The following SNCG variants were observed in gnomAD, a reference collection of about 807,000 sequenced individuals.
SNCG encodes synuclein gamma.
SNCG carries 13 observed loss-of-function variants against 16.0 expected under a neutral mutation model. The ratio of observed to expected loss-of-function variants is 0.81; its 90% confidence interval spans 0.53 to 1.29. The LOEUF (loss-of-function observed/expected upper bound fraction) is 1.29, where lower values mean the gene tolerates loss of function less well. SNCG is among the 50% of genes most tolerant of loss of function. The pLI, the probability that SNCG is intolerant of heterozygous loss-of-function variation, is 0.00. For missense variants in SNCG, 154 were observed against 168.5 expected, an observed-to-expected ratio of 0.91 and a Z score of 0.48; for synonymous variants, 66 against 66.3, an observed-to-expected ratio of 1.00 and a Z score of 0.02.
upstream of SNCG, chr10:86,957,563 G>T: frequency 6.3e-7 from 1 of 1,592,486 alleles, no homozygotes; most frequent in Non-Finnish European, 8.5e-7. Context: ...GGCAGGCTCA[G>T]CTCACACTCA....
At chr10:86,962,539 T>C in intron 3 of SNCG, 65 bp from the exon 4 acceptor site, 1 of 1,223,056 alleles carries the variant, frequency 8.2e-7, no homozygotes, top group Non-Finnish European at 1.2e-6. Context: ...AAGGCCCTGG[T>C]TGCAGGGCAG....
intron 3 of SNCG, among the ~76,000 whole-genome samples, chr10:86,960,480 G>T (rs1447920817): frequency 1.3e-5 from 2 of 152,128 alleles, no homozygotes; most frequent in African/African-American, 4.8e-5. Flanking sequence ...AGCCTCCCGG[G>T]CAGTGGTCAC....
At position 86,959,656 on chromosome 10, in the gene SNCG, G is replaced by GT; in HGVS notation, c.146dup (p.Gln50ThrfsTer61). On this transcript the variant is annotated frameshift_variant, in exon 2 of 5. Transcript: ENST00000372017. LOFTEE classifies it high-confidence loss of function. This position sits in a 1 kb window ranked among gnomAD's most constrained non-coding sequence, Gnocchi z 4.3. ...AGGAGCCAAGACCAAGGAGAATGTTGTACAGAGCGTGACCTCAGGTGAGAA... is the reference window on the plus strand; with the variant it reads ...AGGAGCCAAGACCAAGGAGAATGTTGTTACAGAGCGTGACCTCAGGTGAGAA... 1 of 1,612,762 alleles carries GT rather than the reference G, an allele frequency of 6.2e-7. No homozygotes were observed. Among genetic ancestry groups the GT allele is most frequent in the Non-Finnish European group, 8.5e-7 (1 of 1,179,480 alleles).
upstream of SNCG, chr10:86,958,094 C>G (rs1844267152): frequency 1.0e-6 from 1 of 985,344 alleles, no homozygotes; most frequent in Non-Finnish European, 1.2e-6. Flanking sequence ...ACCTCAGATC[C>G]TCCAACCGGT....
rs370052577 is a variant in SNCG at position 86,959,580 on chromosome 10, C to T, written c.122-53C>T. The T allele has an allele frequency of 7.6e-5, 119 of 1,561,708 alleles. No homozygotes were observed. In the African/African-American group the frequency reaches 1.1e-3, roughly 14 times the overall value. On this transcript the variant is annotated intron_variant, in intron 1 of 4. Coordinates refer to ENST00000372017, the MANE Select transcript of SNCG (RefSeq NM_003087.3). This position sits in a 1 kb window ranked among gnomAD's most constrained non-coding sequence, Gnocchi z 4.3. ...GCTGTTCTGTTGTGTTTGTCCTGACCGCCCCCAACACCTCGAGGGAGGTCT... is the reference window on the plus strand; with the variant it reads ...GCTGTTCTGTTGTGTTTGTCCTGACTGCCCCCAACACCTCGAGGGAGGTCT...
upstream of SNCG, chr10:86,958,510 C>T: frequency 8.8e-7 from 1 of 1,134,496 alleles, no homozygotes. Flanking sequence ...CTCCCTCCCT[C>T]CCTCCCCGCC....
At position 86,959,036 on chromosome 10, in the gene SNCG, A is replaced by C. The variant is rs969730536; in HGVS notation, c.121+218A>C. On this transcript the variant is annotated intron_variant, in intron 1 of 4. Transcript: ENST00000372017. This position sits in a 1 kb window ranked among gnomAD's most constrained non-coding sequence, Gnocchi z 4.3. ...CCTCCTCGGGGCCTCTGGGTGTCAG[A>C]GACCGCAGACAGGGCTGGCTACCTG... Among the ~76,000 whole-genome samples the C allele has an allele frequency of 6.6e-6, 1 of 152,130 alleles. No homozygotes were observed. The highest frequency in any genetic ancestry group is 2.4e-5 in the African/African-American group (1 of 41,422).
upstream of SNCG, among the ~76,000 whole-genome samples, chr10:86,956,564 T>A (rs189363135): frequency 3.1e-3 from 466 of 152,374 alleles, 2 homozygotes; most frequent in Admixed American, 5.4e-3. Flanking sequence ...GAGTTCACTA[T>A]GAGCTCTGAA....
At chr10:86,956,715 C>A (rs1844239955), upstream of SNCG, among the ~76,000 whole-genome samples, 1 of 152,214 alleles carries the variant, frequency 6.6e-6, no homozygotes, top group African/African-American at 2.4e-5. Flanking sequence ...GGCCCTGAGA[C>A]TGGGGGCCCC....
upstream of SNCG, among the ~76,000 whole-genome samples, chr10:86,955,999 G>A (rs1844218743): frequency 2.0e-5 from 3 of 152,236 alleles, 1 homozygote; most frequent in South Asian, 2.1e-4. Flanking sequence ...GGAGGAAGAG[G>A]AGCAGCTCCC....
Position 86,963,176 on chromosome 10 carries a change from C to T in SNCG, c.*191C>T, listed in dbSNP as rs773071278. The T allele has an allele frequency of 1.7e-5, 8 of 474,914 alleles. No homozygotes were observed. The highest frequency in any genetic ancestry group is 2.9e-5 in the Non-Finnish European group (8 of 271,888). The allele number at this position is 474,914 out of a possible 1,614,324, so 29.4% of individuals were successfully genotyped here. A position where few individuals can be genotyped will look rare whatever the true frequency, so the allele number is the denominator to read the frequency against. On this transcript the variant is annotated 3_prime_UTR_variant, in exon 5 of 5. Coordinates refer to ENST00000372017, the MANE Select transcript of SNCG (RefSeq NM_003087.3). ...CTCACTGCCCTCCCTCGGCCCCACC[C>T]ACCCTCTGGTCCTTCTGACCCCACT...
In SNCG at chr10:86,958,680, C is replaced by A; in HGVS notation, c.-18C>A. On this transcript the variant is annotated 5_prime_UTR_variant, in exon 1 of 5. Transcript: ENST00000372017. ...CAGCTCCGTCCTGCCTGCAGCAGCA[C>A]AACCCTGCACACCCACCATGGATGT... The A allele has an allele frequency of 6.2e-7, 1 of 1,613,772 alleles. No homozygotes were observed.
At position 86,959,899 on chromosome 10, in the gene SNCG, G is replaced by A; in HGVS notation, c.164-102G>A. Reference sequence around the variant, plus strand: ...AGGGAGCAGGGGAGGGTCCCAGCAGGGCCAGGGCTCTGAGCTCCTGGGAAG... The same window carrying A: ...AGGGAGCAGGGGAGGGTCCCAGCAGAGCCAGGGCTCTGAGCTCCTGGGAAG... On this transcript the variant is annotated intron_variant, in intron 2 of 4. Transcript: ENST00000372017. This position sits in a 1 kb window ranked among gnomAD's most constrained non-coding sequence, Gnocchi z 4.3. 1 of 1,517,426 alleles carries A rather than the reference G, an allele frequency of 6.6e-7. No individual in the cohort carries two copies. The highest frequency in any genetic ancestry group is 8.9e-7 in the Non-Finnish European group (1 of 1,123,734). The allele number at this position is 1,517,426 out of a possible 1,614,324, so 94.0% of individuals were successfully genotyped here. A position where few individuals can be genotyped will look rare whatever the true frequency, so the allele number is the denominator to read the frequency against.
chr10:86,956,901 GCGCC>G (rs1844243742), upstream of SNCG, among the ~76,000 whole-genome samples: 1 of 152,222 alleles, frequency 6.6e-6, no homozygotes, highest in South Asian at 2.1e-4. Flanking sequence ...CTGAGGCAGA[GCGCC>G]CTGGACTGTG....
intron 3 of SNCG, 84 bp from the exon 4 acceptor site, chr10:86,962,520 A>G: frequency 2.1e-6 from 2 of 971,850 alleles, no homozygotes; most frequent in Non-Finnish European, 3.2e-6. Flanking sequence ...CCTTGAGGCC[A>G]GGGTAGACAA....
At chr10:86,960,226 C>A in intron 3 of SNCG, 98 bp downstream of exon 3, 1 of 1,209,174 alleles carries the variant, frequency 8.3e-7, no homozygotes, top group Non-Finnish European at 1.2e-6. Context: ...CAGGAAACAA[C>A]ACGGGGGGCT....
chr10:86,961,404 C>T (rs757793779), intron 3 of SNCG, among the ~76,000 whole-genome samples: 14 of 152,076 alleles, frequency 9.2e-5, no homozygotes, highest in Admixed American at 2.6e-4. Context: ...TGAAGCAATT[C>T]TCCTGGTCTA....
chr10:86,958,398 T>C (rs1844272976), upstream of SNCG: 1 of 985,210 alleles, frequency 1.0e-6, no homozygotes, highest in African/African-American at 1.7e-5. Context: ...CTCCAGCCCA[T>C]GGAGGGCACG....
At chr10:86,958,333 A>G (rs1844271716), upstream of SNCG, 1 of 985,116 alleles carries the variant, frequency 1.0e-6, no homozygotes, top group Non-Finnish European at 1.2e-6. Flanking sequence ...GGCTGCCCCC[A>G]TGGGTGGGCA....
Sources: gnomAD v4.1 joint callset for allele counts (sites outside exome capture counted in the v4.1 genomes callset) on GRCh38, gnomAD v4.1.1 for gene constraint, Gnocchi (gnomAD v3.1) non-coding constraint, MANE v1.5 for transcripts, NCBI Gene and HGNC (gene_info 2026-07-23, HGNC 2026-07-21) for gene names.